Variants in PTPN4 observed in about 807,000 individuals in gnomAD.
PTPN4 encodes the protein protein tyrosine phosphatase non-receptor type 4, also known as tyrosine-protein phosphatase non-receptor type 4.
Under a neutral mutation model 135.5 loss-of-function variants are expected in PTPN4, and 49 were observed. That is an observed-to-expected ratio of 0.36 (90% CI 0.29 to 0.46). The LOEUF (loss-of-function observed/expected upper bound fraction) is 0.46. Ranked by LOEUF, PTPN4 falls within the 20% of genes least tolerant of loss-of-function variation. The pLI, the probability that PTPN4 is intolerant of heterozygous loss-of-function variation, is 1.00. For missense variants in PTPN4, 860 were observed against 1,101.0 expected (o/e 0.78, Z 3.10); for synonymous variants, 333 against 369.9 (o/e 0.90, Z 1.14).
rs1230553934 is a variant in PTPN4, at chr2:119,984,735, T to C, written c.*7665T>C. The stretch of plus-strand genomic sequence containing the variant: ...AAATGCTGGTTTGCATTAATACTGT[T>C]TTAGTCTTAAGAGCAATTTATATTA... On this transcript the variant is annotated 3_prime_UTR_variant, in exon 27 of 27. Transcript: ENST00000263708. Among the ~76,000 whole-genome samples, 1 of 152,212 alleles carries C rather than the reference T, an allele frequency of 6.6e-6. No individual in the cohort carries two copies. The highest frequency in any genetic ancestry group is 6.5e-5 in the Admixed American group (1 of 15,282).
At chr2:119,917,848 G>A (rs1678679059) in intron 11 of PTPN4, among the ~76,000 whole-genome samples, 1 of 152,008 alleles carries the variant, frequency 6.6e-6, no homozygotes, top group South Asian at 2.1e-4. Flanking sequence ...AACTTCATAC[G>A]ATATACTTAT....
intron 15 of PTPN4, among the ~76,000 whole-genome samples, chr2:119,935,872 A>G (rs983404623): frequency 2.6e-5 from 4 of 152,242 alleles, no homozygotes; most frequent in African/African-American, 9.6e-5. Context: ...AATCATATGC[A>G]GGAATCAAAA....
chr2:119,827,434 T>C (rs1677161179), intron 2 of PTPN4, among the ~76,000 whole-genome samples: 1 of 152,232 alleles, frequency 6.6e-6, no homozygotes. Flanking sequence ...GCTGTTTGTT[T>C]ACTTGCTAAT....
chr2:119,883,473 A>G (rs1678109965), intron 8 of PTPN4, among the ~76,000 whole-genome samples: 2 of 152,174 alleles, frequency 1.3e-5, no homozygotes, highest in African/African-American at 4.8e-5. Flanking sequence ...GTATAATTTT[A>G]TATATTATTT....
At chr2:119,883,662 T>A (rs1257219850) in intron 8 of PTPN4, among the ~76,000 whole-genome samples, 4 of 152,088 alleles carry the variant, frequency 2.6e-5, no homozygotes, top group Non-Finnish European at 5.9e-5. Context: ...TAAGATTACT[T>A]ACTATCTTAT....
At chr2:119,879,072 G>A (rs1197915153) in intron 5 of PTPN4, among the ~76,000 whole-genome samples, 6 of 144,934 alleles carry the variant, frequency 4.1e-5, no homozygotes, top group East Asian at 4.0e-4. Context: ...CAGCCTGGGC[G>A]ACAGAGTGAG....
At chr2:119,913,739 C>A (rs1054622766) in intron 10 of PTPN4, among the ~76,000 whole-genome samples, 1 of 151,994 alleles carries the variant, frequency 6.6e-6, no homozygotes, top group Non-Finnish European at 1.5e-5. Context: ...TTATTAACTA[C>A]AGAAAGGAAT....
intron 1 of PTPN4, among the ~76,000 whole-genome samples, chr2:119,788,214 A>G (rs189593063): frequency 1.3e-5 from 2 of 152,214 alleles, no homozygotes; most frequent in East Asian, 3.9e-4. Context: ...TAGGTAATGT[A>G]TTTTTAAAAA....
At chr2:119,857,266 C>T (rs995031997) in intron 2 of PTPN4, among the ~76,000 whole-genome samples, 5 of 152,074 alleles carry the variant, frequency 3.3e-5, no homozygotes, top group South Asian at 2.1e-4. Flanking sequence ...CACGGTGGCT[C>T]ATGCCTGTAA....
chr2:119,974,297 C>T (rs776405808), intron 26 of PTPN4, among the ~76,000 whole-genome samples: 9 of 152,068 alleles, frequency 5.9e-5, no homozygotes, highest in East Asian at 5.8e-4. Flanking sequence ...CTGCAACCTC[C>T]GCCTCCCAGG....
intron 2 of PTPN4, among the ~76,000 whole-genome samples, chr2:119,814,845 A>C (rs1676963483): frequency 6.6e-6 from 1 of 152,230 alleles, no homozygotes; most frequent in Non-Finnish European, 1.5e-5. Context: ...TCTTTAGTAC[A>C]AAAAGACATG....
intron 3 of PTPN4, among the ~76,000 whole-genome samples, chr2:119,874,934 A>C (rs1458571190): frequency 6.6e-6 from 1 of 152,186 alleles, no homozygotes. Context: ...TGTGTCATCA[A>C]ACGTTTTAGT....
chr2:119,820,458 A>G (rs550582065), intron 2 of PTPN4, among the ~76,000 whole-genome samples: 1 of 152,312 alleles, frequency 6.6e-6, no homozygotes, highest in Non-Finnish European at 1.5e-5. Flanking sequence ...CTGCTGCCTC[A>G]CTGCTTCCCC....
At chr2:119,965,475 A>G in intron 24 of PTPN4, 22 bp from the exon 25 acceptor site, 10 of 1,589,854 alleles carry the variant, frequency 6.3e-6, no homozygotes, top group Non-Finnish European at 8.6e-6. Context: ...GTCAAGGTGC[A>G]TAATTTTTCA....
chr2:119,817,096 C>CAATTGCTTTTGTTGT (rs1676999239), intron 2 of PTPN4, among the ~76,000 whole-genome samples: 1 of 152,194 alleles, frequency 6.6e-6, no homozygotes, highest in African/African-American at 2.4e-5. Flanking sequence ...GCTTTTGTTG[C>CAATTGCTTTTGTTGT]AATTGCTTTT....
intron 1 of PTPN4, among the ~76,000 whole-genome samples, chr2:119,778,989 A>G (rs1025511771): frequency 2.0e-5 from 3 of 152,128 alleles, no homozygotes; most frequent in Non-Finnish European, 4.4e-5. Context: ...TTCTATATAA[A>G]TGTGTTTGGT....
At chr2:119,898,815 C>G (rs545145116) in intron 9 of PTPN4, among the ~76,000 whole-genome samples, 1 of 152,118 alleles carries the variant, frequency 6.6e-6, no homozygotes, top group Non-Finnish European at 1.5e-5. Flanking sequence ...CCCCTTCAGT[C>G]TAGATATCTA....
intron 2 of PTPN4, among the ~76,000 whole-genome samples, chr2:119,848,501 TC>T (rs376751737): frequency 3.5e-4 from 53 of 151,582 alleles, no homozygotes; most frequent in African/African-American, 1.3e-3. Flanking sequence ...AATAATTTCT[TC>T]CGTTTCCTTC....
intron 22 of PTPN4, among the ~76,000 whole-genome samples, chr2:119,958,603 T>C (rs1486437800): frequency 6.6e-6 from 1 of 152,192 alleles, no homozygotes; most frequent in Admixed American, 6.5e-5. Context: ...CCATTCGATG[T>C]TGTCATGCTC....
Sources: allele counts gnomAD v4.1 joint callset (sites outside exome capture counted in the v4.1 genomes callset), GRCh38; gene constraint gnomAD v4.1.1; transcripts MANE v1.5; gene names NCBI Gene and HGNC (gene_info 2026-07-23, HGNC 2026-07-21).